Variants in TRIO observed in about 807,000 individuals in gnomAD.
TRIO encodes triple functional domain protein.
A neutral mutation model predicts 351.9 loss-of-function variants in TRIO; 58 were observed. The observed-to-expected ratio is 0.16, with a 90% CI of 0.13 to 0.21. The LOEUF (loss-of-function observed/expected upper bound fraction) is 0.21. Among genes scored for constraint, TRIO ranks in the 10% least tolerant of loss-of-function variants. The pLI, the probability that TRIO is intolerant of heterozygous loss-of-function variation, is 1.00. For synonymous variants in TRIO, 1,758 were observed against 1,595.7 expected (o/e 1.10, Z -2.42); for missense variants, 3,201 against 4,027.8 (o/e 0.79, Z 5.56).
intron 28 of TRIO, among the ~76,000 whole-genome samples, chr5:14,396,591 T>TC (rs1290178846): frequency 6.6e-6 from 1 of 150,386 alleles, no homozygotes; most frequent in Admixed American, 6.7e-5. Context: ...TCCCTCAGTC[T>TC]CCCAAGTAGC....
intron 37 of TRIO, among the ~76,000 whole-genome samples, chr5:14,467,309 C>T (rs1277230481): frequency 6.6e-6 from 1 of 152,168 alleles, no homozygotes; most frequent in African/African-American, 2.4e-5. Flanking sequence ...CCCATTTCTT[C>T]CTTCATCCAC....
chr5:14,184,976 G>A (rs549825170), intron 1 of TRIO, among the ~76,000 whole-genome samples: 88 of 152,236 alleles, frequency 5.8e-4, no homozygotes, highest in Non-Finnish European at 1.1e-3. Context: ...TTGGGTGGAC[G>A]TCACCAATAC....
intron 2 of TRIO, among the ~76,000 whole-genome samples, chr5:14,271,788 T>G (rs183818887): frequency 6.6e-6 from 1 of 152,370 alleles, no homozygotes; most frequent in East Asian, 1.9e-4. Context: ...ACATATCATT[T>G]TTAATATATA....
intron 1 of TRIO, among the ~76,000 whole-genome samples, chr5:14,210,137 C>T (rs1235426278): frequency 6.6e-6 from 1 of 152,148 alleles, no homozygotes; most frequent in Non-Finnish European, 1.5e-5. Context: ...GAGGAGCGGT[C>T]GGCCCCTTTG....
intron 1 of TRIO, among the ~76,000 whole-genome samples, chr5:14,173,458 C>T (rs1045997529): frequency 5.7e-4 from 87 of 152,002 alleles, no homozygotes; most frequent in Non-Finnish European, 1.1e-3. Flanking sequence ...GTGATCCGCC[C>T]GCCTCAGCTT....
chr5:14,191,485 G>A (rs1485783758), intron 1 of TRIO, among the ~76,000 whole-genome samples: 2 of 146,938 alleles, frequency 1.4e-5, no homozygotes, highest in South Asian at 2.1e-4. Context: ...TCCCAGTTAC[G>A]TCACTCCATA....
At chr5:14,498,747 GAAC>G in intron 53 of TRIO, 107 bp downstream of exon 53, 2 of 1,511,416 alleles carry the variant, frequency 1.3e-6, no homozygotes, top group Non-Finnish European at 1.8e-6. Context: ...CTGAAAGATA[GAAC>G]AATAAGTCAT....
chr5:14,387,780 G>C lies in TRIO; in HGVS notation c.3814G>C (p.Glu1272Gln). The stretch of plus-strand genomic sequence containing the variant: ...CATTCCAGCCAGTATCCCTGGCTCA[G>C]AGGTGAAACTTCGAGATGCTGCTCA... ...DIIPASIPGS[E>Q]VKLRDAAHEL... The change falls in exon 23 of 57, where the codon GAG (glutamate) becomes CAG (glutamine). Residue 1272 changes from glutamate to glutamine, a missense_variant. By Grantham distance (29) the Glu-to-Gln change is conservative. This residue lies in a region of TRIO where 201 missense variants were observed against 266.5 expected (regional missense o/e 0.75). Transcript: ENST00000344204. 6.2e-7 allele frequency: 1 copy of C among 1,614,246 alleles called. No individual in the cohort carries two copies. Among genetic ancestry groups the C allele is most frequent in the Non-Finnish European group, 8.5e-7 (1 of 1,180,044 alleles).
At chr5:14,374,484 G>A (rs1315834889) in intron 19 of TRIO, 141 bp downstream of exon 19, 2 of 507,876 alleles carry the variant, frequency 3.9e-6, no homozygotes, top group African/African-American at 2.0e-5. Context: ...CCTTACTAAT[G>A]ATCTTAGTTT....
rs1757848392 is a variant in TRIO, at chr5:14,508,252, G to A, written c.9124G>A (p.Ala3042Thr). ...QEDPAKRPSA[A>T]LALQEQWLQA... ...GGACCCCGCCAAGCGTCCCTCGGCT[G>A]CGCTGGCCCTCCAGGAGCAGTGGCT... Residue 3042 changes from alanine (A) to threonine (T), a missense_variant, in exon 57 of 57, where the codon GCG (alanine) becomes ACG (threonine). Transcript: ENST00000344204. 1.9e-6 allele frequency: 3 copies of A among 1,614,074 alleles called. No individual in the cohort carries two copies. Among genetic ancestry groups the A allele is most frequent in the African/African-American group, 2.7e-5 (2 of 75,072 alleles).
chr5:14,350,246 A>G (rs2152330362), intron 11 of TRIO, among the ~76,000 whole-genome samples: 1 of 152,288 alleles, frequency 6.6e-6, no homozygotes, highest in East Asian at 1.9e-4. Flanking sequence ...TTGCCACGGC[A>G]AAGAGGAATT....
At chr5:14,240,977 G>T (rs1241859517) in intron 1 of TRIO, among the ~76,000 whole-genome samples, 1 of 152,142 alleles carries the variant, frequency 6.6e-6, no homozygotes. Flanking sequence ...AAGTTCTTGG[G>T]TCCCTAGAAT....
chr5:14,186,585 C>CT (rs1279388626), intron 1 of TRIO, among the ~76,000 whole-genome samples: 21 of 149,658 alleles, frequency 1.4e-4, no homozygotes, highest in East Asian at 3.9e-4. Flanking sequence ...TTCCTTCTTT[C>CT]TTTTTTTTTT....
At chr5:14,308,306 A>G (rs62346590) in intron 8 of TRIO, among the ~76,000 whole-genome samples, 15,014 of 150,232 alleles carry the variant, frequency 0.1, 1,402 homozygotes, top group African/African-American at 0.24. Context: ...CCATCCATCT[A>G]CCCAATCACC....
chr5:14,277,596 T>A (rs1393005500), intron 2 of TRIO, among the ~76,000 whole-genome samples: 2 of 152,220 alleles, frequency 1.3e-5, no homozygotes, highest in Non-Finnish European at 2.9e-5. Context: ...ATCTAATAGG[T>A]GAAGTTTTTA....
chr5:14,290,574 G>A (rs1736819538), intron 4 of TRIO, 142 bp from the exon 5 acceptor site: 5 of 828,214 alleles, frequency 6.0e-6, no homozygotes, highest in Non-Finnish European at 7.2e-6. Flanking sequence ...TATTTTTATG[G>A]GGCCAGAACC....
At chr5:14,442,175 C>G (rs147555500) in intron 34 of TRIO, among the ~76,000 whole-genome samples, 1 of 152,228 alleles carries the variant, frequency 6.6e-6, no homozygotes, top group East Asian at 1.9e-4. Flanking sequence ...CAGGAATGCT[C>G]TCTACCAGAA....
chr5:14,442,179 A>G (rs1034985263), intron 34 of TRIO, among the ~76,000 whole-genome samples: 2 of 152,194 alleles, frequency 1.3e-5, no homozygotes, highest in Admixed American at 1.3e-4. Context: ...AATGCTCTCT[A>G]CCAGAATTTG....
intron 34 of TRIO, among the ~76,000 whole-genome samples, chr5:14,459,111 T>C (rs1343618717): frequency 2.0e-5 from 3 of 152,338 alleles, no homozygotes; most frequent in South Asian, 4.1e-4. Flanking sequence ...TGATCCTGCC[T>C]AAAACGCATC....
Sources: gnomAD v4.1 joint callset for allele counts (sites outside exome capture counted in the v4.1 genomes callset) on GRCh38, gnomAD v4.1.1 for gene constraint, gnomAD v4.1.1 regional missense constraint, MANE v1.5 for transcripts, NCBI Gene and HGNC (gene_info 2026-07-23, HGNC 2026-07-21) for gene names.